Variants in TCF12 observed in about 807,000 individuals in gnomAD.
The protein encoded by TCF12 is transcription factor 12.
TCF12 carries 45 observed loss-of-function variants against 86.0 expected under a neutral mutation model. The observed-to-expected ratio is 0.52, with a 90% confidence interval of 0.41 to 0.67. The LOEUF (loss-of-function observed/expected upper bound fraction) is 0.67. TCF12 is among the 30% of genes least tolerant of loss of function. TCF12 has a pLI of 0.00. For synonymous variants in TCF12, 330 were observed against 299.6 expected (o/e 1.10, Z -1.05); for missense variants, 881 against 859.9 (o/e 1.02, Z -0.31).
chr15:57,198,184 T>C (rs1441769726), intron 8 of TCF12, among the ~76,000 whole-genome samples: 2 of 152,200 alleles, frequency 1.3e-5, no homozygotes, highest in Non-Finnish European at 2.9e-5. Flanking sequence ...GATTAATAGC[T>C]GAAAATCTTA....
intron 8 of TCF12, among the ~76,000 whole-genome samples, chr15:57,223,294 G>A (rs1283346299): frequency 2.0e-5 from 3 of 151,882 alleles, no homozygotes; most frequent in Non-Finnish European, 4.4e-5. Context: ...AGTCTCCATA[G>A]CAAAGGGCCA....
intron 5 of TCF12, among the ~76,000 whole-genome samples, chr15:57,162,454 C>G (rs747120519): frequency 7.2e-5 from 11 of 152,020 alleles, no homozygotes; most frequent in South Asian, 6.2e-4. Flanking sequence ...ACTTATAAGT[C>G]CTTAAGAAAA....
At chr15:57,110,960 G>T (rs1303715777) in intron 5 of TCF12, among the ~76,000 whole-genome samples, 1 of 152,108 alleles carries the variant, frequency 6.6e-6, no homozygotes, top group Non-Finnish European at 1.5e-5. Context: ...GGCTAAAATG[G>T]GTCAGTGGAC....
At chr15:57,231,474 T>C (rs1372120084) in intron 9 of TCF12, among the ~76,000 whole-genome samples, 1 of 152,176 alleles carries the variant, frequency 6.6e-6, no homozygotes, top group Middle Eastern at 3.2e-3. Flanking sequence ...TGGTCCAGTA[T>C]TGATTGAATT....
At chr15:56,979,448 T>G (rs1369009589) in intron 3 of TCF12, among the ~76,000 whole-genome samples, 5 of 152,186 alleles carry the variant, frequency 3.3e-5, no homozygotes, top group African/African-American at 1.2e-4. Flanking sequence ...TTGTGAACCA[T>G]GCATTCCTGA....
At chr15:57,001,536 T>C (rs2141055567) in intron 3 of TCF12, among the ~76,000 whole-genome samples, 1 of 152,316 alleles carries the variant, frequency 6.6e-6, no homozygotes, top group Middle Eastern at 3.4e-3. Context: ...ATTCGTTGGA[T>C]TTGATTGTTG....
At chr15:57,074,643 G>A (rs116457389) in intron 4 of TCF12, among the ~76,000 whole-genome samples, 1 of 152,166 alleles carries the variant, frequency 6.6e-6, no homozygotes, top group Admixed American at 6.5e-5. Context: ...GATTAGTTGG[G>A]ATTACAGAGG....
At chr15:57,160,575 G>A (rs2054432041) in intron 5 of TCF12, among the ~76,000 whole-genome samples, 1 of 152,306 alleles carries the variant, frequency 6.6e-6, no homozygotes, top group Non-Finnish European at 1.5e-5. Flanking sequence ...ACTAAAAAGA[G>A]CTAAATGTCT....
intron 3 of TCF12, among the ~76,000 whole-genome samples, chr15:57,011,319 G>A (rs1393379792): frequency 1.3e-5 from 2 of 151,962 alleles, no homozygotes; most frequent in East Asian, 1.9e-4. Context: ...GTGAGATCTG[G>A]TTGTTTATAA....
intron 3 of TCF12, among the ~76,000 whole-genome samples, chr15:56,975,144 A>G (rs1384918196): frequency 1.3e-5 from 2 of 152,152 alleles, no homozygotes; most frequent in South Asian, 2.1e-4. Context: ...AAGGGCAACA[A>G]CATGTTTATA....
At chr15:57,041,440 C>CA (rs2066892024) in intron 3 of TCF12, among the ~76,000 whole-genome samples, 1 of 151,934 alleles carries the variant, frequency 6.6e-6, no homozygotes, top group South Asian at 2.1e-4. Flanking sequence ...GTATAATTTG[C>CA]AAAAAAGCCT....
chr15:57,077,672 T>C (rs1423248343), intron 4 of TCF12, among the ~76,000 whole-genome samples: 1 of 151,560 alleles, frequency 6.6e-6, no homozygotes, highest in African/African-American at 2.4e-5. Flanking sequence ...CCTGAAGTGA[T>C]CTGCCTGCCT....
intron 3 of TCF12, among the ~76,000 whole-genome samples, chr15:56,935,150 T>A (rs2060412994): frequency 6.6e-6 from 1 of 152,182 alleles, no homozygotes. Context: ...TTGCTTGCTG[T>A]GTAATCTGTT....
At chr15:56,953,992 G>C (rs2061395374) in intron 3 of TCF12, among the ~76,000 whole-genome samples, 1 of 150,962 alleles carries the variant, frequency 6.6e-6, no homozygotes, top group South Asian at 2.1e-4. Context: ...CTGGTTTGAG[G>C]TACATTATGA....
intron 3 of TCF12, among the ~76,000 whole-genome samples, chr15:56,968,020 A>T (rs2140685580): frequency 6.6e-6 from 1 of 151,918 alleles, no homozygotes; most frequent in Non-Finnish European, 1.5e-5. Flanking sequence ...CAGTGGTGCG[A>T]TCTTGGCTTC....
chr15:57,290,889 A>T (rs987727815), downstream of TCF12: 1 of 152,160 alleles, frequency 6.6e-6, no homozygotes, highest in African/African-American at 2.4e-5. Context: ...TCATCTTCCT[A>T]CAAAAGAGCA....
intron 8 of TCF12, among the ~76,000 whole-genome samples, chr15:57,225,267 A>G (rs1018132203): frequency 1.0e-4 from 11 of 107,242 alleles, no homozygotes; most frequent in Non-Finnish European, 1.9e-4. Context: ...GGAGTCTTGC[A>G]CTGTCGCCCA....
intron 3 of TCF12, among the ~76,000 whole-genome samples, chr15:56,983,823 G>C (rs1389612306): frequency 2.0e-5 from 3 of 151,536 alleles, no homozygotes; most frequent in Non-Finnish European, 4.4e-5. Flanking sequence ...AGCAAAATGA[G>C]ACTCCGTTTC....
At chr15:56,986,070 A>T (rs1166843559) in intron 3 of TCF12, among the ~76,000 whole-genome samples, 1 of 152,116 alleles carries the variant, frequency 6.6e-6, no homozygotes, top group Admixed American at 6.5e-5. Flanking sequence ...GAAATAAGAA[A>T]TTTTTTGTAT....
Sources: gnomAD v4.1 joint callset for allele counts (sites outside exome capture counted in the v4.1 genomes callset) on GRCh38, gnomAD v4.1.1 for gene constraint, MANE v1.5 for transcripts, NCBI Gene and HGNC (gene_info 2026-07-23, HGNC 2026-07-21) for gene names.